The following SLC25A51 variants were observed in gnomAD, a reference collection of about 807,000 sequenced individuals.
SLC25A51 encodes the protein solute carrier family 25 member 51.
In SLC25A51, 11 loss-of-function variants were observed where a neutral mutation model predicts 19.1. The observed-to-expected ratio is 0.58, with a 90% CI of 0.36 to 0.96. The LOEUF (loss-of-function observed/expected upper bound fraction) is 0.96. SLC25A51 is among the 40% of genes least tolerant of loss of function. The pLI, the probability that SLC25A51 is intolerant of heterozygous loss-of-function variation, is 0.01. For missense variants in SLC25A51, 201 were observed against 365.4 expected, an observed-to-expected ratio of 0.55 and a Z score of 3.67; for synonymous variants, 105 against 133.6, an observed-to-expected ratio of 0.79 and a Z score of 1.47.
intron 2 of SLC25A51, among the ~76,000 whole-genome samples, chr9:37,895,961 G>A (rs567410292): frequency 1.3e-5 from 2 of 152,004 alleles, no homozygotes; most frequent in Non-Finnish European, 2.9e-5. Context: ...TGATAGGTGT[G>A]TGCTGCCATG....
chr9:37,885,951 A>T, downstream of SLC25A51: 1 of 1,613,512 alleles, frequency 6.2e-7, no homozygotes, highest in Admixed American at 1.7e-5. Context: ...GAGGAACTAG[A>T]ACGGGACAAC....
chr9:37,882,352 G>GA, intron 2 of SLC25A51, among the ~76,000 whole-genome samples: 1 of 152,188 alleles, frequency 6.6e-6, no homozygotes, highest in African/African-American at 2.4e-5. Context: ...GGCTTCACTC[G>GA]AAGCCCTCTA....
chr9:37,888,659 T>C (rs1831515894), intron 2 of SLC25A51, 67 bp from the exon 3 acceptor site: 2 of 1,225,954 alleles, frequency 1.6e-6, no homozygotes, highest in African/African-American at 1.5e-5. Context: ...GCTTTCTCCC[T>C]AATCCATCCT....
chr9:37,900,884 G>GT (rs766086763), intron 1 of SLC25A51, among the ~76,000 whole-genome samples: 47 of 152,258 alleles, frequency 3.1e-4, no homozygotes, highest in Non-Finnish European at 5.1e-4. Flanking sequence ...TTGAGACAGA[G>GT]TTTTGCTCTG....
chr9:37,881,201 T>TAAAA (rs11402300), intron 3 of SLC25A51, among the ~76,000 whole-genome samples: 2 of 128,608 alleles, frequency 1.6e-5, no homozygotes, highest in East Asian at 4.7e-4. Flanking sequence ...AAAGTAGATA[T>TAAAA]AAAAAAAAAA....
At chr9:37,886,159 G>A, downstream of SLC25A51, 1 of 1,453,790 alleles carries the variant, frequency 6.9e-7, no homozygotes, top group East Asian at 2.3e-5. Flanking sequence ...TCCCTACCCT[G>A]ATCCTGTTCC....
chr9:37,900,215 G>A (rs942820453), intron 1 of SLC25A51, among the ~76,000 whole-genome samples: 4 of 151,672 alleles, frequency 2.6e-5, no homozygotes, highest in Non-Finnish European at 5.9e-5. Context: ...GGGAGGCCAA[G>A]GCAGGCGAAT....
chr9:37,895,012 G>A (rs985271714), intron 2 of SLC25A51, among the ~76,000 whole-genome samples: 1 of 152,044 alleles, frequency 6.6e-6, no homozygotes, highest in African/African-American at 2.4e-5. Flanking sequence ...TCTTTATCCC[G>A]TGTACTACTG....
chr9:37,889,109 A>G (rs941015203), intron 2 of SLC25A51, among the ~76,000 whole-genome samples: 1 of 152,206 alleles, frequency 6.6e-6, no homozygotes, highest in African/African-American at 2.4e-5. Context: ...AATCATTTTT[A>G]AGACTGTAAA....
chr9:37,882,904 C>T (rs565400100), downstream of SLC25A51, among the ~76,000 whole-genome samples: 18 of 152,220 alleles, frequency 1.2e-4, no homozygotes, highest in African/African-American at 3.4e-4. Context: ...AGTGCAGTGG[C>T]GCAATCTCGG....
chr9:37,887,113 G>A (rs1052991059), downstream of SLC25A51, among the ~76,000 whole-genome samples: 4 of 152,008 alleles, frequency 2.6e-5, no homozygotes, highest in Non-Finnish European at 2.9e-5. Context: ...TCAGGGGTTC[G>A]AGACCAGCCT....
intron 2 of SLC25A51, among the ~76,000 whole-genome samples, chr9:37,890,695 TAA>T (rs60988477): frequency 2.1e-5 from 3 of 145,880 alleles, no homozygotes; most frequent in African/African-American, 2.5e-5. Flanking sequence ...TACCCTGCTT[TAA>T]AAAAAAAAAA....
At chr9:37,877,762 C>A (rs1298090926), downstream of SLC25A51, among the ~76,000 whole-genome samples, 1 of 152,146 alleles carries the variant, frequency 6.6e-6, no homozygotes, top group Non-Finnish European at 1.5e-5. Flanking sequence ...AATCCCAGCA[C>A]TTTGGGAGGC....
chr9:37,884,575 G>A (rs1364297976), downstream of SLC25A51, among the ~76,000 whole-genome samples: 1 of 152,158 alleles, frequency 6.6e-6, no homozygotes, highest in Non-Finnish European at 1.5e-5. Flanking sequence ...AAGTGGGATT[G>A]CATTAATAGA....
chr9:37,900,859 T>C (rs1020804153), intron 1 of SLC25A51, among the ~76,000 whole-genome samples: 10 of 152,150 alleles, frequency 6.6e-5, no homozygotes, highest in African/African-American at 9.7e-5. Flanking sequence ...TATTTCTCAG[T>C]TTTGTTTTGT....
chr9:37,891,680 C>G (rs1194283239), intron 2 of SLC25A51, among the ~76,000 whole-genome samples: 1 of 151,982 alleles, frequency 6.6e-6, no homozygotes. Flanking sequence ...GAGTCATCAC[C>G]ACTCCCTAAT....
intron 1 of SLC25A51, among the ~76,000 whole-genome samples, chr9:37,901,102 C>T (rs1054311567): frequency 6.6e-5 from 10 of 151,548 alleles, no homozygotes; most frequent in Non-Finnish European, 1.2e-4. Flanking sequence ...CTTGGGCTCA[C>T]ATCATCTGCC....
intron 1 of SLC25A51, among the ~76,000 whole-genome samples, chr9:37,902,303 A>G (rs1428843158): frequency 1.3e-5 from 2 of 152,232 alleles, no homozygotes; most frequent in East Asian, 3.8e-4. Flanking sequence ...GTTATTAAAC[A>G]AGCAGAAAAC....
downstream of SLC25A51, among the ~76,000 whole-genome samples, chr9:37,884,994 T>C (rs1196598889): frequency 6.6e-6 from 1 of 152,174 alleles, no homozygotes; most frequent in African/African-American, 2.4e-5. Context: ...AGGTGCTTAG[T>C]TTCAAAACTA....
Sources: gnomAD v4.1 joint callset for allele counts (sites outside exome capture counted in the v4.1 genomes callset) on GRCh38, gnomAD v4.1.1 for gene constraint, MANE v1.5 for transcripts, NCBI Gene and HGNC (gene_info 2026-07-23, HGNC 2026-07-21) for gene names.